Variants in ING3 observed in about 807,000 individuals in gnomAD.
ING3 encodes inhibitor of growth protein 3.
Under a neutral mutation model 64.8 loss-of-function variants are expected in ING3, and 6 were observed. The ratio of observed to expected loss-of-function variants is 0.09; its 90% CI spans 0.05 to 0.18. ING3 has a LOEUF of 0.18. ING3 is among the 10% of genes least tolerant of loss of function. The probability of loss-of-function intolerance (pLI) is 1.00; values close to 1 mark genes in which losing one functional copy is unlikely to be tolerated. For missense variants in ING3, 310 were observed against 489.7 expected (o/e 0.63, Z 3.46); for synonymous variants, 170 against 173.7 (o/e 0.98, Z 0.17).
At chr7:120,957,517 G>C (rs1356602187) in intron 4 of ING3, among the ~76,000 whole-genome samples, 1 of 152,178 alleles carries the variant, frequency 6.6e-6, no homozygotes, top group South Asian at 2.1e-4. Context: ...GAATATTAAG[G>C]GGTGTCTACT....
intron 8 of ING3, 110 bp from the exon 9 acceptor site, chr7:120,968,901 A>C: frequency 1.5e-6 from 1 of 688,830 alleles, no homozygotes; most frequent in Non-Finnish European, 2.3e-6. Context: ...TAGTTTAAAC[A>C]ATATAAATTA....
intron 3 of ING3, among the ~76,000 whole-genome samples, chr7:120,953,805 T>A (rs775951059): frequency 6.6e-5 from 10 of 152,186 alleles, no homozygotes; most frequent in Non-Finnish European, 1.3e-4. Context: ...AAGAACGAAA[T>A]CTTAAAAGTT....
chr7:120,970,355 C>A (rs1163006229), intron 9 of ING3, among the ~76,000 whole-genome samples: 1 of 151,650 alleles, frequency 6.6e-6, no homozygotes, highest in Non-Finnish European at 1.5e-5. Flanking sequence ...GTCCCAGCTA[C>A]TCGGGAGGCT....
intron 4 of ING3, chr7:120,956,104 T>C: frequency 1.8e-6 from 2 of 1,105,618 alleles, no homozygotes; most frequent in Non-Finnish European, 2.8e-6. Context: ...AACAGCTGTG[T>C]CAGTTGTTTA....
chr7:120,967,222 G>A (rs1426089606), intron 6 of ING3, among the ~76,000 whole-genome samples: 1 of 152,166 alleles, frequency 6.6e-6, no homozygotes, highest in African/African-American at 2.4e-5. Context: ...AATTTGGTGG[G>A]AAACTATTTT....
At chr7:120,959,791 G>A (rs545049184) in intron 4 of ING3, among the ~76,000 whole-genome samples, 5 of 150,914 alleles carry the variant, frequency 3.3e-5, no homozygotes, top group Non-Finnish European at 7.4e-5. Context: ...GATTACAGGC[G>A]CCCACCACCA....
intron 10 of ING3, 180 bp downstream of exon 10, chr7:120,971,060 A>G: frequency 1.4e-6 from 1 of 729,626 alleles, no homozygotes; most frequent in Non-Finnish European, 2.2e-6. Flanking sequence ...GAAAAATGTT[A>G]CCCATAATCC....
chr7:120,958,029 T>C (rs574060742), intron 4 of ING3, among the ~76,000 whole-genome samples: 53 of 152,322 alleles, frequency 3.5e-4, no homozygotes, highest in African/African-American at 1.3e-3. Flanking sequence ...TCTCATTTCC[T>C]GAACTGGAAT....
intron 4 of ING3, among the ~76,000 whole-genome samples, chr7:120,962,961 C>CAT (rs1222488015): frequency 6.6e-6 from 1 of 152,098 alleles, no homozygotes; most frequent in Non-Finnish European, 1.5e-5. Flanking sequence ...TTCCATTCTT[C>CAT]ATATATCCTC....
In ING3 at chr7:120,953,310, T is replaced by G; in HGVS notation, c.107T>G (p.Met36Arg). Residue 36 changes from methionine to arginine, a missense_variant, in exon 3 of 12, where the codon ATG becomes AGG. Met to Arg is a moderately conservative substitution (Grantham distance 91, BLOSUM62 -1). This residue lies in a region of ING3 where 53 missense variants were observed against 116.2 expected (regional missense o/e 0.46). Transcript: ENST00000315870. ...TTTTTTTATTATGTCATAGATGCAATGGATCAACTAGAACAAAGAGTCAGT... is the reference window on the plus strand; with the variant it reads ...TTTTTTTATTATGTCATAGATGCAAGGGATCAACTAGAACAAAGAGTCAGT... ...REMDLQVQNA[M>R]DQLEQRVSEF... 6.3e-7 allele frequency: 1 copy of G among 1,580,238 alleles called. No individual in the cohort carries two copies. The highest frequency in any genetic ancestry group is 8.6e-7 in the Non-Finnish European group (1 of 1,161,090).
chr7:120,951,025 G>T (rs1795753200), intron 1 of ING3, 101 bp downstream of exon 1: 1 of 1,500,948 alleles, frequency 6.7e-7, no homozygotes, highest in Non-Finnish European at 9.3e-7. Flanking sequence ...GGGCGGCGGG[G>T]GATGTTTCTT....
chr7:120,956,285 A>G (rs1291570438), intron 4 of ING3: 2 of 1,475,984 alleles, frequency 1.4e-6, no homozygotes, highest in African/African-American at 2.8e-5. Flanking sequence ...ACTTTAAGAA[A>G]TAGTCATTTC....
intron 8 of ING3, among the ~76,000 whole-genome samples, chr7:120,968,701 G>A (rs10464661): frequency 2.0e-5 from 3 of 151,772 alleles, no homozygotes; most frequent in East Asian, 3.9e-4. Context: ...AAAAAAATTA[G>A]CTGGGTGCCT....
chr7:120,963,496 G>A (rs1002206874), intron 4 of ING3, among the ~76,000 whole-genome samples: 3 of 151,384 alleles, frequency 2.0e-5, no homozygotes, highest in Non-Finnish European at 4.4e-5. Flanking sequence ...GTCAATGTCA[G>A]GTAAATGGCA....
intron 5 of ING3, among the ~76,000 whole-genome samples, chr7:120,965,957 G>A (rs1033561431): frequency 6.6e-6 from 1 of 152,106 alleles, no homozygotes; most frequent in African/African-American, 2.4e-5. Flanking sequence ...CTGCAGGAAG[G>A]TTAATAAAGC....
intron 4 of ING3, among the ~76,000 whole-genome samples, chr7:120,959,888 G>T (rs111809353): frequency 2.6e-5 from 4 of 151,514 alleles, no homozygotes; most frequent in Non-Finnish European, 4.4e-5. Context: ...CTCGTGATCC[G>T]CCCGCCTCGG....
intron 8 of ING3, 103 bp downstream of exon 8, chr7:120,968,194 A>G: frequency 1.9e-6 from 2 of 1,026,466 alleles, no homozygotes; most frequent in Non-Finnish European, 1.4e-6. Context: ...CTAACGTTGT[A>G]TATTTTCATT....
intron 4 of ING3, among the ~76,000 whole-genome samples, chr7:120,962,740 T>A (rs1013956144): frequency 5.9e-5 from 9 of 152,098 alleles, no homozygotes; most frequent in Non-Finnish European, 1.0e-4. Context: ...CTTTTTTCCT[T>A]CTATTTGAAT....
intron 9 of ING3, among the ~76,000 whole-genome samples, chr7:120,970,172 C>T (rs1014265413): frequency 4.6e-5 from 7 of 151,782 alleles, no homozygotes; most frequent in African/African-American, 7.3e-5. Flanking sequence ...CTTAAAAATA[C>T]GAATAATGAG....
Sources: allele counts gnomAD v4.1 joint callset (sites outside exome capture counted in the v4.1 genomes callset), GRCh38; gene constraint gnomAD v4.1.1; regional missense constraint gnomAD v4.1.1; transcripts MANE v1.5; gene names NCBI Gene and HGNC (gene_info 2026-07-23, HGNC 2026-07-21).